Variants in RNF216 observed in about 807,000 individuals in gnomAD.
The protein encoded by RNF216 is ring finger protein 216.
Under a neutral mutation model 110.8 loss-of-function variants are expected in RNF216, and 72 were observed. The observed-to-expected ratio is 0.65, with a 90% CI of 0.54 to 0.79. The LOEUF (loss-of-function observed/expected upper bound fraction) is 0.79, where lower values mean the gene tolerates loss of function less well. Ranked by LOEUF, RNF216 falls within the 30% of genes least tolerant of loss-of-function variation. The probability of loss-of-function intolerance (pLI) is 0.00; values close to 1 mark genes in which losing one functional copy is unlikely to be tolerated. For missense variants in RNF216, 1,342 were observed against 1,141.2 expected (o/e 1.18, Z -2.54); for synonymous variants, 495 against 407.5 (o/e 1.21, Z -2.59).
intron 13 of RNF216, among the ~76,000 whole-genome samples, chr7:5,691,710 G>A (rs751335064): frequency 1.1e-4 from 16 of 152,180 alleles, no homozygotes; most frequent in Non-Finnish European, 2.2e-4. Flanking sequence ...CTGGCCACCC[G>A]GCAGGGAGTC....
At chr7:5,654,539 T>G (rs544875589) in intron 13 of RNF216, among the ~76,000 whole-genome samples, 14 of 150,604 alleles carry the variant, frequency 9.3e-5, no homozygotes, top group Admixed American at 1.3e-4. Context: ...ATACAAAAAT[T>G]AGTTGGGCGT....
chr7:5,657,226 C>G (rs1169362686), intron 13 of RNF216, among the ~76,000 whole-genome samples: 1 of 152,224 alleles, frequency 6.6e-6, no homozygotes, highest in East Asian at 1.9e-4. Flanking sequence ...GTTGCCAATC[C>G]AGAAGTAGCT....
intron 11 of RNF216, among the ~76,000 whole-genome samples, chr7:5,714,205 C>G (rs1792897862): frequency 6.6e-6 from 1 of 152,114 alleles, no homozygotes; most frequent in Admixed American, 6.5e-5. Flanking sequence ...TTGTGATCCA[C>G]CCAACTTAGC....
chr7:5,669,189 G>A (rs1464721349), intron 13 of RNF216, among the ~76,000 whole-genome samples: 6 of 152,184 alleles, frequency 3.9e-5, no homozygotes, highest in African/African-American at 9.7e-5. Flanking sequence ...TCGGGCTCCA[G>A]CTATACCTAC....
chr7:5,764,800 C>T (rs1052665173), intron 1 of RNF216, among the ~76,000 whole-genome samples: 3 of 152,090 alleles, frequency 2.0e-5, no homozygotes, highest in Non-Finnish European at 4.4e-5. Flanking sequence ...GGTGCAGTGG[C>T]TCATGCCTAT....
At chr7:5,623,708 G>A (rs79645573) in intron 16 of RNF216, among the ~76,000 whole-genome samples, 2 of 152,056 alleles carry the variant, frequency 1.3e-5, no homozygotes, top group African/African-American at 2.4e-5. Flanking sequence ...AGCTGGGATC[G>A]CAGATGTGTG....
intron 13 of RNF216, among the ~76,000 whole-genome samples, chr7:5,652,811 G>T (rs866293584): frequency 2.2e-4 from 33 of 152,050 alleles, no homozygotes; most frequent in South Asian, 6.2e-4. Context: ...ACAAAGAGTT[G>T]GGGGAGGAGA....
At chr7:5,656,268 C>T (rs942488014) in intron 13 of RNF216, among the ~76,000 whole-genome samples, 2 of 152,042 alleles carry the variant, frequency 1.3e-5, no homozygotes, top group Non-Finnish European at 2.9e-5. Flanking sequence ...GATTCAGTCA[C>T]AAACAAACAA....
intron 14 of RNF216, among the ~76,000 whole-genome samples, chr7:5,647,446 G>A (rs987302155): frequency 8.1e-5 from 12 of 148,316 alleles, no homozygotes; most frequent in Non-Finnish European, 1.6e-4. Flanking sequence ...GGATCCTCCT[G>A]CCTCAGCCTC....
intron 3 of RNF216, among the ~76,000 whole-genome samples, chr7:5,743,848 T>C (rs1329172035): frequency 6.6e-6 from 1 of 152,182 alleles, no homozygotes; most frequent in East Asian, 1.9e-4. Context: ...TCCCAGGAAC[T>C]GAATCGCAGC....
chr7:5,666,160 C>T (rs570764839), intron 13 of RNF216, among the ~76,000 whole-genome samples: 30 of 141,046 alleles, frequency 2.1e-4, no homozygotes, highest in Admixed American at 1.5e-3. Context: ...AGTGAGACTC[C>T]GTCTCAAAAA....
intron 13 of RNF216, among the ~76,000 whole-genome samples, chr7:5,707,572 T>G (rs971058690): frequency 2.0e-5 from 3 of 152,158 alleles, no homozygotes; most frequent in African/African-American, 7.2e-5. Flanking sequence ...ATCTGTGAAC[T>G]TGCACGGATA....
chr7:5,685,998 G>A (rs998171137), intron 13 of RNF216, among the ~76,000 whole-genome samples: 3 of 152,030 alleles, frequency 2.0e-5, no homozygotes, highest in South Asian at 4.1e-4. Flanking sequence ...TGAGGCGGAC[G>A]GATCATCTGA....
At chr7:5,774,988 A>C (rs1421911914) in intron 1 of RNF216, 1 of 151,464 alleles carries the variant, frequency 6.6e-6, no homozygotes, top group Non-Finnish European at 1.5e-5. Flanking sequence ...CAGGTGATCC[A>C]CCCCCCCGAC....
At chr7:5,654,545 G>C (rs947749386) in intron 13 of RNF216, among the ~76,000 whole-genome samples, 1 of 151,814 alleles carries the variant, frequency 6.6e-6, no homozygotes, top group Non-Finnish European at 1.5e-5. Flanking sequence ...AAATTAGTTG[G>C]GCGTGGTAGC....
At chr7:5,765,965 A>AAAG (rs1233808535) in intron 1 of RNF216, among the ~76,000 whole-genome samples, 1 of 147,530 alleles carries the variant, frequency 6.8e-6, no homozygotes, top group East Asian at 2.0e-4. Context: ...AAAAAAAAAA[A>AAAG]AAGAAAGAAA....
chr7:5,706,033 A>T (rs1319312339), intron 13 of RNF216, among the ~76,000 whole-genome samples: 1 of 151,422 alleles, frequency 6.6e-6, no homozygotes, highest in Non-Finnish European at 1.5e-5. Context: ...ATCCTGGCTA[A>T]CATGGTGAAA....
intron 5 of RNF216, chr7:5,733,071 C>G (rs993078232): frequency 3.3e-5 from 5 of 152,220 alleles, no homozygotes; most frequent in East Asian, 1.9e-4. Context: ...TGAGACTGAG[C>G]TACAACAAAA....
chr7:5,662,148 G>A (rs894781744), intron 13 of RNF216, among the ~76,000 whole-genome samples: 1 of 152,186 alleles, frequency 6.6e-6, no homozygotes, highest in Non-Finnish European at 1.5e-5. Context: ...GGAGAGCTGC[G>A]AATGGCTCAG....
Sources: gnomAD v4.1 joint callset for allele counts (sites outside exome capture counted in the v4.1 genomes callset) on GRCh38, gnomAD v4.1.1 for gene constraint, MANE v1.5 for transcripts, NCBI Gene and HGNC (gene_info 2026-07-23, HGNC 2026-07-21) for gene names.